Variants in NAALADL2 observed in about 807,000 individuals in gnomAD.
The protein encoded by NAALADL2 is N-acetylated alpha-linked acidic dipeptidase like 2, also known as inactive N-acetylated-alpha-linked acidic dipeptidase-like protein 2.
Under a neutral mutation model 87.2 loss-of-function variants are expected in NAALADL2, and 76 were observed. The ratio of observed to expected loss-of-function variants is 0.87; its 90% CI spans 0.72 to 1.05. The LOEUF (loss-of-function observed/expected upper bound fraction) is 1.05, where lower values mean the gene tolerates loss of function less well. Ranked by LOEUF, NAALADL2 falls within the 50% of genes least tolerant of loss-of-function variation. The pLI, the probability that NAALADL2 is intolerant of heterozygous loss-of-function variation, is 0.00. For missense variants in NAALADL2, 1,089 were observed against 945.8 expected (o/e 1.15, Z -1.99); for synonymous variants, 354 against 331.0 (o/e 1.07, Z -0.75).
At chr3:174,944,348 T>C (rs1269094534) in intron 1 of NAALADL2, among the ~76,000 whole-genome samples, 2 of 152,138 alleles carry the variant, frequency 1.3e-5, no homozygotes, top group Non-Finnish European at 2.9e-5. Flanking sequence ...GGGAATTCCT[T>C]CTGCCCCTGG....
At chr3:175,110,262 T>A (rs1308447127) in intron 2 of NAALADL2, among the ~76,000 whole-genome samples, 1 of 151,840 alleles carries the variant, frequency 6.6e-6, no homozygotes, top group Admixed American at 6.6e-5. Flanking sequence ...TCAGTTGCAA[T>A]CATTTAAATT....
intron 1 of NAALADL2, among the ~76,000 whole-genome samples, chr3:175,088,266 T>G (rs1458826073): frequency 2.6e-5 from 4 of 152,190 alleles, no homozygotes. Context: ...AAAGAATAGA[T>G]TTTCAGAATT....
At chr3:175,306,560 C>A (rs1581346880) in intron 4 of NAALADL2, among the ~76,000 whole-genome samples, 1 of 152,222 alleles carries the variant, frequency 6.6e-6, no homozygotes, top group Non-Finnish European at 1.5e-5. Flanking sequence ...GCCTGTAATC[C>A]CAGCACTTTG....
At chr3:174,759,446 A>C (rs892924128) in intron 3 of NAALADL2, among the ~76,000 whole-genome samples, 1 of 152,202 alleles carries the variant, frequency 6.6e-6, no homozygotes, top group African/African-American at 2.4e-5. Flanking sequence ...AATTGGTAAA[A>C]ATGCAGATCT....
At chr3:174,724,840 G>T (rs1217368445) in intron 2 of NAALADL2, among the ~76,000 whole-genome samples, 1 of 151,998 alleles carries the variant, frequency 6.6e-6, no homozygotes, top group Admixed American at 6.6e-5. Context: ...TACTATAAAT[G>T]GATTATGTAT....
intron 5 of NAALADL2, among the ~76,000 whole-genome samples, chr3:175,339,411 A>T (rs543660326): frequency 1.3e-5 from 2 of 152,190 alleles, no homozygotes; most frequent in East Asian, 3.9e-4. Flanking sequence ...GATTTCTATC[A>T]CTGGAAGGGA....
At chr3:175,122,050 T>C (rs1726236708) in intron 2 of NAALADL2, among the ~76,000 whole-genome samples, 1 of 151,876 alleles carries the variant, frequency 6.6e-6, no homozygotes, top group Non-Finnish European at 1.5e-5. Context: ...TGGTAGTTGA[T>C]TAAAGTCAGC....
At chr3:174,543,240 G>T (rs1028568143) in intron 1 of NAALADL2, among the ~76,000 whole-genome samples, 25 of 152,164 alleles carry the variant, frequency 1.6e-4, no homozygotes, top group African/African-American at 5.8e-4. Flanking sequence ...ATTAACTTGA[G>T]CTGGGATTAG....
chr3:175,576,315 G>A, intron 10 of NAALADL2, 128 bp downstream of exon 10: 2 of 784,248 alleles, frequency 2.6e-6, no homozygotes, highest in Non-Finnish European at 4.0e-6. Context: ...CATTTAGAGA[G>A]TTATTCTTGC....
chr3:175,139,144 A>AT (rs940341486), intron 2 of NAALADL2, among the ~76,000 whole-genome samples: 3 of 151,518 alleles, frequency 2.0e-5, no homozygotes, highest in African/African-American at 4.8e-5. Context: ...TGGAAATTAG[A>AT]TTTTTTTAAG....
chr3:175,342,657 T>C (rs1297407351), intron 5 of NAALADL2, among the ~76,000 whole-genome samples: 3 of 152,112 alleles, frequency 2.0e-5, no homozygotes, highest in Non-Finnish European at 2.9e-5. Flanking sequence ...ATAGTGACTC[T>C]GACTTTCTTA....
chr3:174,815,838 T>G (rs1340248625), intron 3 of NAALADL2, among the ~76,000 whole-genome samples: 157 of 147,918 alleles, frequency 1.1e-3, no homozygotes, highest in African/African-American at 3.6e-3. Flanking sequence ...TAGTTTTTTT[T>G]TTTTTTTTTT....
chr3:175,638,885 C>T (rs1263362105), intron 11 of NAALADL2, among the ~76,000 whole-genome samples: 1 of 152,140 alleles, frequency 6.6e-6, no homozygotes, highest in Non-Finnish European at 1.5e-5. Flanking sequence ...CAACGTCCAA[C>T]ACTTAGGCAG....
intron 1 of NAALADL2, among the ~76,000 whole-genome samples, chr3:174,976,649 A>C (rs1345692812): frequency 1.3e-5 from 2 of 152,208 alleles, no homozygotes; most frequent in Non-Finnish European, 2.9e-5. Flanking sequence ...GGGTAGATAC[A>C]CCCAAACTCA....
At chr3:174,894,100 GA>G (rs1028263628) in intron 1 of NAALADL2, among the ~76,000 whole-genome samples, 8 of 151,976 alleles carry the variant, frequency 5.3e-5, no homozygotes, top group African/African-American at 1.9e-4. Flanking sequence ...TAAGAAGAGG[GA>G]AAAAAGTCAC....
chr3:175,745,581 T>C (rs1258743746), intron 12 of NAALADL2, among the ~76,000 whole-genome samples: 1 of 152,176 alleles, frequency 6.6e-6, no homozygotes, highest in East Asian at 1.9e-4. Context: ...ACTGAATTGC[T>C]TGGGGAATAA....
chr3:174,587,285 A>G (rs1369156622), intron 2 of NAALADL2, among the ~76,000 whole-genome samples: 1 of 152,104 alleles, frequency 6.6e-6, no homozygotes, highest in Non-Finnish European at 1.5e-5. Context: ...ATAGTGCTGC[A>G]ATAAACATAC....
intron 2 of NAALADL2, among the ~76,000 whole-genome samples, chr3:175,230,805 C>G (rs1744838429): frequency 1.3e-5 from 2 of 151,952 alleles, no homozygotes; most frequent in Non-Finnish European, 2.9e-5. Context: ...GGAAGTAGAA[C>G]TGTCATAAAA....
At chr3:175,306,197 T>C (rs866037540) in intron 4 of NAALADL2, among the ~76,000 whole-genome samples, 27 of 152,270 alleles carry the variant, frequency 1.8e-4, no homozygotes, top group African/African-American at 5.8e-4. Flanking sequence ...TTACACACAC[T>C]TTTTTATTTT....
Sources: allele counts gnomAD v4.1 joint callset (sites outside exome capture counted in the v4.1 genomes callset), GRCh38; gene constraint gnomAD v4.1.1; transcripts MANE v1.5; gene names NCBI Gene and HGNC (gene_info 2026-07-23, HGNC 2026-07-21).